The following SDK1 variants were observed in gnomAD, a reference collection of about 807,000 sequenced individuals.
SDK1 encodes sidekick cell adhesion molecule 1.
Under a neutral mutation model 245.5 loss-of-function variants are expected in SDK1, and 157 were observed. The ratio of observed to expected loss-of-function variants is 0.64; its 90% confidence interval spans 0.56 to 0.73. The LOEUF is 0.73. SDK1 is among the 30% of genes least tolerant of loss of function. The pLI, the probability that SDK1 is intolerant of heterozygous loss-of-function variation, is 0.00. For synonymous variants in SDK1, 1,647 were observed against 1,278.5 expected, an observed-to-expected ratio of 1.29 and a Z score of -6.15; for missense variants, 3,583 against 3,002.3, an observed-to-expected ratio of 1.19 and a Z score of -4.52.
intron 2 of SDK1, among the ~76,000 whole-genome samples, chr7:3,627,684 A>G (rs980516726): frequency 6.6e-5 from 10 of 152,312 alleles, no homozygotes; most frequent in Admixed American, 1.3e-4. Flanking sequence ...TTTTGGATTC[A>G]TTCATAGCCT....
intron 4 of SDK1, among the ~76,000 whole-genome samples, chr7:3,810,180 A>T (rs1311395972): frequency 3.3e-5 from 5 of 152,182 alleles, no homozygotes; most frequent in Admixed American, 3.3e-4. Context: ...TATCTGGAGC[A>T]GTTTTAGTTG....
intron 1 of SDK1, among the ~76,000 whole-genome samples, chr7:3,374,312 C>T (rs188574630): frequency 1.3e-5 from 2 of 152,320 alleles, no homozygotes; most frequent in South Asian, 2.1e-4. Flanking sequence ...CTTGTGACTT[C>T]TGCCCCCAAG....
intron 5 of SDK1, among the ~76,000 whole-genome samples, chr7:3,840,275 G>A (rs1780124715): frequency 6.6e-6 from 1 of 152,146 alleles, no homozygotes; most frequent in African/African-American, 2.4e-5. Context: ...AGGAGGGGGA[G>A]AAGAGAACAT....
chr7:4,255,242 A>T (rs1183501099), intron 44 of SDK1, among the ~76,000 whole-genome samples: 3 of 152,196 alleles, frequency 2.0e-5, no homozygotes, highest in Non-Finnish European at 1.5e-5. Context: ...AAGCCTCCAC[A>T]GTTTTCAACA....
At chr7:3,975,120 T>A (rs1175170783) in intron 13 of SDK1, among the ~76,000 whole-genome samples, 2 of 152,044 alleles carry the variant, frequency 1.3e-5, no homozygotes, top group East Asian at 3.9e-4. Context: ...AAACCGTCAA[T>A]CTCCCCCGTC....
intron 1 of SDK1, among the ~76,000 whole-genome samples, chr7:3,398,571 A>G (rs893291582): frequency 6.6e-6 from 1 of 152,054 alleles, no homozygotes; most frequent in East Asian, 1.9e-4. Context: ...ATATTTCAAA[A>G]TACTTTTCCC....
At chr7:3,533,180 A>G (rs1339682425) in intron 1 of SDK1, among the ~76,000 whole-genome samples, 1 of 152,224 alleles carries the variant, frequency 6.6e-6, no homozygotes, top group Non-Finnish European at 1.5e-5. Context: ...TAACAGAGAC[A>G]TCTCTCTTAC....
chr7:3,429,758 G>C (rs1437270506), intron 1 of SDK1, among the ~76,000 whole-genome samples: 1 of 151,018 alleles, frequency 6.6e-6, no homozygotes, highest in Non-Finnish European at 1.5e-5. Context: ...CACCATGTCT[G>C]GCTTTTTTTT....
chr7:3,409,168 A>T (rs1017952997), intron 1 of SDK1, among the ~76,000 whole-genome samples: 1 of 152,204 alleles, frequency 6.6e-6, no homozygotes. Flanking sequence ...TCAGATTAAC[A>T]TGAGCCTTGT....
intron 4 of SDK1, among the ~76,000 whole-genome samples, chr7:3,724,936 T>C (rs150856554): frequency 2.0e-5 from 3 of 152,226 alleles, no homozygotes. Context: ...GGCTGGGGTT[T>C]AAATGTGTAT....
chr7:3,605,224 A>G (rs927125686), intron 1 of SDK1, among the ~76,000 whole-genome samples: 3 of 151,994 alleles, frequency 2.0e-5, no homozygotes, highest in Non-Finnish European at 4.4e-5. Flanking sequence ...TTGGCATTTG[A>G]AAGAACAGTT....
intron 16 of SDK1, among the ~76,000 whole-genome samples, chr7:4,016,727 C>T (rs1180788544): frequency 6.6e-6 from 1 of 152,134 alleles, no homozygotes; most frequent in Non-Finnish European, 1.5e-5. Flanking sequence ...ACCTGCAATT[C>T]CTAAATGGAG....
intron 4 of SDK1, among the ~76,000 whole-genome samples, chr7:3,772,717 C>A (rs1780438459): frequency 6.6e-6 from 1 of 152,132 alleles, no homozygotes; most frequent in African/African-American, 2.4e-5. Flanking sequence ...CTTTTCATTT[C>A]ATTCAGAAGG....
intron 1 of SDK1, among the ~76,000 whole-genome samples, chr7:3,349,796 G>A (rs1218503328): frequency 1.3e-5 from 2 of 151,936 alleles, no homozygotes; most frequent in Admixed American, 1.3e-4. Flanking sequence ...TAGAGACGGG[G>A]TTTCACCGTG....
intron 5 of SDK1, among the ~76,000 whole-genome samples, chr7:3,882,289 G>T (rs551053502): frequency 3.3e-5 from 5 of 152,170 alleles, no homozygotes; most frequent in African/African-American, 1.2e-4. Context: ...ATCACCAGGT[G>T]GGGGGTGGCT....
At chr7:3,565,708 G>C (rs2614942) in intron 1 of SDK1, among the ~76,000 whole-genome samples, 1 of 152,322 alleles carries the variant, frequency 6.6e-6, no homozygotes, top group South Asian at 2.1e-4. Context: ...TAACCTGTGC[G>C]TATTCTCCTG....
intron 4 of SDK1, among the ~76,000 whole-genome samples, chr7:3,667,493 T>A (rs1290194179): frequency 6.6e-6 from 1 of 152,220 alleles, no homozygotes; most frequent in African/African-American, 2.4e-5. Flanking sequence ...CTTTTTGATA[T>A]ATAGCTTGAT....
chr7:4,016,487 C>T (rs1288515112), intron 16 of SDK1, among the ~76,000 whole-genome samples: 1 of 152,236 alleles, frequency 6.6e-6, no homozygotes, highest in Non-Finnish European at 1.5e-5. Flanking sequence ...TCTCACAGTA[C>T]ACACAGCAAT....
At chr7:3,861,509 C>T (rs1268010957) in intron 5 of SDK1, among the ~76,000 whole-genome samples, 1 of 151,878 alleles carries the variant, frequency 6.6e-6, no homozygotes. Flanking sequence ...TGCTTGGGTG[C>T]CACCAAAAAT....
Sources: gnomAD v4.1 joint callset for allele counts (sites outside exome capture counted in the v4.1 genomes callset) on GRCh38, gnomAD v4.1.1 for gene constraint, MANE v1.5 for transcripts, NCBI Gene and HGNC (gene_info 2026-07-23, HGNC 2026-07-21) for gene names.